Variants in ATP11B observed in about 807,000 individuals in gnomAD.
ATP11B encodes the protein phospholipid-transporting ATPase IF.
ATP11B carries 81 observed loss-of-function variants against 157.8 expected under a neutral mutation model. The observed-to-expected ratio is 0.51, with a 90% CI of 0.43 to 0.62. The LOEUF is 0.62. Among genes scored for constraint, ATP11B ranks in the 20% least tolerant of loss-of-function variants. ATP11B has a pLI of 0.00. For synonymous variants in ATP11B, 451 were observed against 469.4 expected (o/e 0.96, Z 0.51); for missense variants, 1,165 against 1,402.2 (o/e 0.83, Z 2.70).
intron 12 of ATP11B, among the ~76,000 whole-genome samples, chr3:182,861,667 C>A (rs1372866985): frequency 1.3e-5 from 2 of 152,140 alleles, no homozygotes; most frequent in Admixed American, 6.5e-5. Flanking sequence ...TGATTATGCT[C>A]AAATTGTCTC....
chr3:182,864,888 C>T (rs184791992), intron 12 of ATP11B, among the ~76,000 whole-genome samples: 1 of 152,208 alleles, frequency 6.6e-6, no homozygotes, highest in Non-Finnish European at 1.5e-5. Flanking sequence ...ATTTGTCTTA[C>T]TTACTTTTAA....
chr3:182,826,979 A>G (rs927398224), intron 2 of ATP11B, among the ~76,000 whole-genome samples: 5 of 152,194 alleles, frequency 3.3e-5, no homozygotes, highest in Non-Finnish European at 7.4e-5. Flanking sequence ...AGATCAGGAT[A>G]TTATCTCAGA....
chr3:182,809,323 A>C (rs1716513670), intron 1 of ATP11B, among the ~76,000 whole-genome samples: 1 of 152,052 alleles, frequency 6.6e-6, no homozygotes, highest in African/African-American at 2.4e-5. Context: ...ATCTCCGCCT[A>C]CTGCAACCTC....
intron 17 of ATP11B, among the ~76,000 whole-genome samples, chr3:182,870,118 G>A (rs1001455856): frequency 3.3e-5 from 5 of 152,214 alleles, no homozygotes; most frequent in African/African-American, 7.2e-5. Context: ...GAGAGTCCTC[G>A]TGGGAGCAAT....
At chr3:182,878,729 A>T (rs1722219795) in intron 19 of ATP11B, among the ~76,000 whole-genome samples, 1 of 152,294 alleles carries the variant, frequency 6.6e-6, no homozygotes, top group East Asian at 1.9e-4. Flanking sequence ...TCGGTTTCCT[A>T]TTGCAAGACA....
chr3:182,872,051 A>G (rs1459541765), intron 17 of ATP11B, among the ~76,000 whole-genome samples: 1 of 152,124 alleles, frequency 6.6e-6, no homozygotes, highest in Non-Finnish European at 1.5e-5. Flanking sequence ...TCCTGACCTC[A>G]TGATCCGCCT....
At position 182,921,611 on chromosome 3, in the gene ATP11B, T is replaced by C. The variant is rs1030333104; in HGVS notation, c.*3507T>C. The C allele has an allele frequency of 2.6e-5, 4 of 152,210 alleles. No homozygotes were observed. Among genetic ancestry groups the C allele is most frequent in the African/African-American group, 9.6e-5 (4 of 41,462 alleles). The allele number at this position is 152,210 out of a possible 1,614,324, so 9.4% of individuals were successfully genotyped here. A position where few individuals can be genotyped will look rare whatever the true frequency, so the allele number is the denominator to read the frequency against. Reference sequence around the variant, plus strand: ...AGTTTATGAAGTTATATTTATCAAATAAAAACTTTCCTATATAATTAAAAG... The same window carrying C: ...AGTTTATGAAGTTATATTTATCAAACAAAAACTTTCCTATATAATTAAAAG... On this transcript the variant is annotated 3_prime_UTR_variant, in exon 30 of 30. Transcript: ENST00000323116.
At chr3:182,867,928 T>G (rs1721370725) in intron 15 of ATP11B, among the ~76,000 whole-genome samples, 1 of 152,168 alleles carries the variant, frequency 6.6e-6, no homozygotes, top group African/African-American at 2.4e-5. Flanking sequence ...ACAGAGACCA[T>G]GTATGGCCTG....
chr3:182,860,511 C>T (rs559996423), intron 12 of ATP11B, among the ~76,000 whole-genome samples: 1 of 152,202 alleles, frequency 6.6e-6, no homozygotes, highest in South Asian at 2.1e-4. Flanking sequence ...GGGCAATTAA[C>T]TCTGTGAGTC....
chr3:182,844,422 C>T (rs1157538168), intron 8 of ATP11B: 1 of 318,042 alleles, frequency 3.1e-6, no homozygotes, highest in Non-Finnish European at 4.5e-6. Flanking sequence ...TTTCAGAAAA[C>T]TATAAGGAAT....
intron 25 of ATP11B, 58 bp downstream of exon 25, chr3:182,889,606 C>A: frequency 1.5e-6 from 2 of 1,358,200 alleles, no homozygotes; most frequent in Non-Finnish European, 2.0e-6. Context: ...TTTTTTATAG[C>A]TTTTGTCATA....
chr3:182,890,011 T>C (rs1379834237), intron 25 of ATP11B, among the ~76,000 whole-genome samples: 2 of 152,214 alleles, frequency 1.3e-5, no homozygotes, highest in Non-Finnish European at 2.9e-5. Flanking sequence ...TGCATTGTTG[T>C]TTGCCTAGGA....
intron 18 of ATP11B, among the ~76,000 whole-genome samples, chr3:182,872,901 C>A (rs1279620168): frequency 6.6e-6 from 1 of 152,226 alleles, no homozygotes; most frequent in Non-Finnish European, 1.5e-5. Context: ...TGCATGCCAC[C>A]TGTAGCTAAA....
intron 1 of ATP11B, among the ~76,000 whole-genome samples, chr3:182,803,394 A>G (rs1006473435): frequency 2.6e-5 from 4 of 152,200 alleles, no homozygotes; most frequent in African/African-American, 9.7e-5. Flanking sequence ...AATTCTTGCT[A>G]TAGCCTGGAT....
At position 182,793,685 on chromosome 3, in the gene ATP11B, C is replaced by T. The variant is rs1366905148; in HGVS notation, c.-75C>T. 3.8e-6 allele frequency: 4 copies of T among 1,057,268 alleles called. No homozygotes were observed. Among genetic ancestry groups the T allele is most frequent in the South Asian group, 3.3e-5 (2 of 61,506 alleles). The allele number at this position is 1,057,268 out of a possible 1,614,324, so 65.5% of individuals were successfully genotyped here. ...GCCCGAGGGGCTCGCCCGCTCCCGC[C>T]TCTGTCTTGTCGGCCTCCACCTGCA... is the stretch of plus-strand genomic sequence containing the variant. On this transcript the variant is annotated 5_prime_UTR_variant, in exon 1 of 30. Coordinates refer to ENST00000323116, the MANE Select transcript of ATP11B (RefSeq NM_014616.3).
At chr3:182,851,114 A>G (rs1719942454) in intron 10 of ATP11B, among the ~76,000 whole-genome samples, 1 of 152,098 alleles carries the variant, frequency 6.6e-6, no homozygotes, top group African/African-American at 2.4e-5. Flanking sequence ...TCAACATGGC[A>G]AAACCCTGTC....
intron 10 of ATP11B, among the ~76,000 whole-genome samples, chr3:182,857,300 C>T (rs993698473): frequency 6.6e-6 from 1 of 152,156 alleles, no homozygotes; most frequent in Non-Finnish European, 1.5e-5. Flanking sequence ...CGCCCGTCAC[C>T]ACGCCCAGCT....
intron 18 of ATP11B, among the ~76,000 whole-genome samples, chr3:182,873,283 T>A (rs1216949770): frequency 6.6e-6 from 1 of 152,216 alleles, no homozygotes; most frequent in Non-Finnish European, 1.5e-5. Context: ...TGTTGTTATG[T>A]TTGCCTCCAC....
intron 2 of ATP11B, among the ~76,000 whole-genome samples, chr3:182,822,568 C>T (rs1717434795): frequency 6.6e-6 from 1 of 152,202 alleles, no homozygotes; most frequent in Non-Finnish European, 1.5e-5. Context: ...AATAGTTCTG[C>T]AGTAAATACA....
Sources: allele counts gnomAD v4.1 joint callset (sites outside exome capture counted in the v4.1 genomes callset), GRCh38; gene constraint gnomAD v4.1.1; transcripts MANE v1.5; gene names NCBI Gene and HGNC (gene_info 2026-07-23, HGNC 2026-07-21).